The following SLC22A25 variants were observed in gnomAD, a reference collection of about 807,000 sequenced individuals.
The protein encoded by SLC22A25 is MGI:2442751, MGI:2385316, MGI:3042283, MGI:3645714, MGI:3605624, MGI:2442750.
In SLC22A25, 44 loss-of-function variants were observed where a neutral mutation model predicts 45.9. That is an observed-to-expected ratio of 0.96 (90% CI 0.75 to 1.23). The LOEUF (loss-of-function observed/expected upper bound fraction) is 1.23. Among genes scored for constraint, SLC22A25 ranks in the 50% most tolerant of loss-of-function variants. The pLI is 0.00. For synonymous variants in SLC22A25, 283 were observed against 238.6 expected (o/e 1.19, Z -1.72); for missense variants, 800 against 666.4 (o/e 1.20, Z -2.21).
chr11:63,231,322 G>A (rs908200130), intron 3 of SLC22A25, among the ~76,000 whole-genome samples: 2 of 152,158 alleles, frequency 1.3e-5, no homozygotes, highest in Non-Finnish European at 1.5e-5. Flanking sequence ...GTTGTTTCCT[G>A]ACTTTTTAAT....
intron 7 of SLC22A25, among the ~76,000 whole-genome samples, chr11:63,199,959 G>C (rs79496462): frequency 0.034 from 5,118 of 151,970 alleles, 118 homozygotes; most frequent in Non-Finnish European, 0.056. Flanking sequence ...CACTTCCGCT[G>C]TTCTCTGTGT....
In SLC22A25 at chr11:63,166,227, T is replaced by G; in HGVS notation, c.1102A>C (p.Thr368Pro). The G allele has an allele frequency of 6.2e-7, 1 of 1,613,792 alleles. No homozygotes were observed. Among genetic ancestry groups the G allele is most frequent in the Non-Finnish European group, 8.5e-7 (1 of 1,179,886 alleles). Reference sequence around the variant, plus strand: ...TTTCCCAGATGCTGGAGGTGCAAAGTAAGGCCCCAAAAAGGGATGGTACTT... The same window carrying G: ...TTTCCCAGATGCTGGAGGTGCAAAGGAAGGCCCCAAAAAGGGATGGTACTT... ...FASTIPFWGL[T>P]LHLQHLGNNV... Residue 368 changes from threonine (T) to proline (P), a missense_variant, in exon 10 of 12, where the codon ACT (threonine) becomes CCT (proline). By Grantham distance (38) the Thr-to-Pro change is conservative (BLOSUM62 -1). Transcript: ENST00000306494.
chr11:63,214,607 CA>C (rs1239434384), intron 7 of SLC22A25, among the ~76,000 whole-genome samples: 2 of 152,126 alleles, frequency 1.3e-5, no homozygotes, highest in Non-Finnish European at 2.9e-5. Flanking sequence ...GGTCACTAGA[CA>C]GATAAACTCA....
chr11:63,199,184 G>A lies in SLC22A25; in HGVS notation c.831-15367C>T, dbSNP rs567460866. Among the ~76,000 whole-genome samples the A allele has an allele frequency of 2.2e-3, 331 of 148,168 alleles. 3 individuals are homozygous for A. Among genetic ancestry groups the A allele is most frequent in the Non-Finnish European group, 1.2e-3 (77 of 66,900 alleles). ...GACTAATAAAGAAGAAAAGAGAGAA[G>A]ACTCAAATAAACAAAATCAGAAACA... On this transcript the variant is annotated intron_variant, in intron 7 of 11. Transcript: ENST00000306494.
At chr11:63,214,020 G>A (rs2089647152) in intron 7 of SLC22A25, among the ~76,000 whole-genome samples, 1 of 152,138 alleles carries the variant, frequency 6.6e-6, no homozygotes, top group African/African-American at 2.4e-5. Flanking sequence ...AGAAATTGAT[G>A]ATAATGGCTT....
chr11:63,221,987 A>G (rs2089863439), intron 5 of SLC22A25, among the ~76,000 whole-genome samples: 1 of 152,028 alleles, frequency 6.6e-6, no homozygotes, highest in South Asian at 2.1e-4. Context: ...CCATTGGTCT[A>G]TGCATGTGTT....
intron 7 of SLC22A25, among the ~76,000 whole-genome samples, chr11:63,190,630 TAG>T (rs765388811): frequency 5.9e-5 from 9 of 151,972 alleles, no homozygotes; most frequent in Non-Finnish European, 1.2e-4. Flanking sequence ...CTCTGATTTT[TAG>T]AGTTTCCAGT....
intron 7 of SLC22A25, among the ~76,000 whole-genome samples, chr11:63,198,920 A>T (rs550455060): frequency 9.1e-4 from 138 of 152,242 alleles, no homozygotes; most frequent in Non-Finnish European, 1.5e-3. Context: ...TTAAGGTGGA[A>T]ATTTATAGTA....
At chr11:63,221,516 TA>T (rs1179127702) in intron 5 of SLC22A25, among the ~76,000 whole-genome samples, 2 of 152,134 alleles carry the variant, frequency 1.3e-5, no homozygotes. Flanking sequence ...ACTCCTTATA[TA>T]TTCTGGTTAT....
At chr11:63,209,754 G>C (rs1325231614) in intron 7 of SLC22A25, among the ~76,000 whole-genome samples, 1 of 152,160 alleles carries the variant, frequency 6.6e-6, no homozygotes, top group Non-Finnish European at 1.5e-5. Context: ...GGCCCTCATT[G>C]ATTTGGTGAA....
At chr11:63,216,706 A>G (rs367945089) in intron 7 of SLC22A25, among the ~76,000 whole-genome samples, 72 of 152,232 alleles carry the variant, frequency 4.7e-4, no homozygotes, top group Admixed American at 1.6e-3. Context: ...AAAATTACAA[A>G]CGGGTATTAG....
chr11:63,193,264 A>T (rs1159484384), intron 7 of SLC22A25, among the ~76,000 whole-genome samples: 1 of 149,516 alleles, frequency 6.7e-6, no homozygotes, highest in Non-Finnish European at 1.5e-5. Flanking sequence ...TGTATATCCA[A>T]CTGAGCTTTT....
chr11:63,163,973 T>C lies in SLC22A25; in HGVS notation c.1495A>G (p.Ile499Val). Residue 499 changes from isoleucine to valine, a missense_variant, in exon 12 of 12, where the codon ATC (isoleucine) becomes GTC (valine). Transcript: ENST00000306494. ...LSIYSRPLPW[I>V]IYGVFAILSG... ...AGGATGGCAAAGACTCCATAGATGATCCAGGGCAGGGGTCGAGAATATATG... is the reference window on the plus strand; with the variant it reads ...AGGATGGCAAAGACTCCATAGATGACCCAGGGCAGGGGTCGAGAATATATG... The C allele has an allele frequency of 6.2e-7, 1 of 1,613,740 alleles. No individual in the cohort carries two copies. The highest frequency in any genetic ancestry group is 1.1e-5 in the South Asian group (1 of 91,040).
intron 1 of SLC22A25, among the ~76,000 whole-genome samples, chr11:63,240,096 AC>A (rs1349796768): frequency 6.6e-6 from 1 of 152,212 alleles, no homozygotes; most frequent in Non-Finnish European, 1.5e-5. Flanking sequence ...GCAAACCTGT[AC>A]AGTATGTTAC....
intron 7 of SLC22A25, among the ~76,000 whole-genome samples, chr11:63,209,058 G>A (rs2089487442): frequency 6.6e-6 from 1 of 152,196 alleles, no homozygotes. Context: ...CGTATTGTGA[G>A]ATAGATTGGC....
chr11:63,205,145 G>A (rs2134786310), intron 7 of SLC22A25, among the ~76,000 whole-genome samples: 1 of 152,274 alleles, frequency 6.6e-6, no homozygotes, highest in South Asian at 2.1e-4. Flanking sequence ...CAGAGTCTCT[G>A]GGACACATTT....
intron 3 of SLC22A25, among the ~76,000 whole-genome samples, chr11:63,233,737 A>G (rs2090113761): frequency 1.3e-5 from 2 of 152,102 alleles, no homozygotes; most frequent in African/African-American, 2.4e-5. Flanking sequence ...TAGGGTGTCA[A>G]TTTTAGATCT....
At chr11:63,198,188 T>A (rs2089119066) in intron 7 of SLC22A25, among the ~76,000 whole-genome samples, 1 of 152,118 alleles carries the variant, frequency 6.6e-6, no homozygotes, top group African/African-American at 2.4e-5. Context: ...GATCTAGAAC[T>A]AGAAATACCA....
intron 2 of SLC22A25, among the ~76,000 whole-genome samples, chr11:63,238,351 A>G (rs1417926764): frequency 6.6e-6 from 1 of 151,926 alleles, no homozygotes; most frequent in Admixed American, 6.6e-5. Flanking sequence ...TTCTCCTATG[A>G]CCACTCTGGG....
Sources: allele counts gnomAD v4.1 joint callset (sites outside exome capture counted in the v4.1 genomes callset), GRCh38; gene constraint gnomAD v4.1.1; transcripts MANE v1.5; gene names NCBI Gene and HGNC (gene_info 2026-07-23, HGNC 2026-07-21).